ABI3BP: variants seen among roughly 807,000 people sequenced by gnomAD.
ABI3BP encodes target of Nesh-SH3.
ABI3BP carries 216 observed loss-of-function variants against 268.6 expected under a neutral mutation model. The observed-to-expected ratio is 0.80, with a 90% CI of 0.72 to 0.90. The LOEUF (loss-of-function observed/expected upper bound fraction) is 0.90, where lower values mean the gene tolerates loss of function less well. ABI3BP is among the 40% of genes least tolerant of loss of function. ABI3BP has a pLI of 0.00. For synonymous variants in ABI3BP, 730 were observed against 730.0 expected (o/e 1.00, Z 0.00); for missense variants, 2,090 against 2,182.4 (o/e 0.96, Z 0.84).
At chr3:100,986,750 T>A (rs1011500893) in intron 1 of ABI3BP, among the ~76,000 whole-genome samples, 12 of 152,272 alleles carry the variant, frequency 7.9e-5, no homozygotes, top group Admixed American at 2.0e-4. Flanking sequence ...TACACTAATA[T>A]ACTCTTTAAA....
chr3:100,839,162 TA>T (rs1560648713), intron 24 of ABI3BP, among the ~76,000 whole-genome samples: 1 of 152,198 alleles, frequency 6.6e-6, no homozygotes, highest in Non-Finnish European at 1.5e-5. Flanking sequence ...TGCAACTTTT[TA>T]AAAAGAAGAA....
At chr3:100,797,562 G>GTT (rs575648416) in intron 51 of ABI3BP, among the ~76,000 whole-genome samples, 65 of 129,684 alleles carry the variant, frequency 5.0e-4, no homozygotes, top group Admixed American at 8.6e-4. Context: ...TGAAGAAACT[G>GTT]TTTTTTTTTT....
intron 6 of ABI3BP, among the ~76,000 whole-genome samples, chr3:100,884,322 C>G (rs936985917): frequency 1.3e-5 from 2 of 151,990 alleles, no homozygotes; most frequent in Non-Finnish European, 2.9e-5. Context: ...TACCTGCAAT[C>G]TCTTTTTTGT....
chr3:100,763,456 T>A, intron 63 of ABI3BP, among the ~76,000 whole-genome samples: 1 of 146,352 alleles, frequency 6.8e-6, no homozygotes, highest in Non-Finnish European at 1.5e-5. Context: ...AGAGCAAGAC[T>A]CTGTCTCAAA....
At chr3:100,919,435 C>T (rs893470665) in intron 2 of ABI3BP, among the ~76,000 whole-genome samples, 2 of 152,124 alleles carry the variant, frequency 1.3e-5, no homozygotes, top group Non-Finnish European at 2.9e-5. Flanking sequence ...TTGTGCATTT[C>T]CTCTTGCCGT....
chr3:100,889,581 C>T (rs1436939), intron 4 of ABI3BP, among the ~76,000 whole-genome samples: 19,903 of 152,080 alleles, frequency 0.13, 1,421 homozygotes, highest in Middle Eastern at 0.18. Flanking sequence ...ACAGAGGCAA[C>T]AAGTCTATTA....
At chr3:100,907,664 C>G (rs916732321) in intron 2 of ABI3BP, among the ~76,000 whole-genome samples, 4 of 152,110 alleles carry the variant, frequency 2.6e-5, no homozygotes, top group Non-Finnish European at 5.9e-5. Flanking sequence ...TTCCAAAATG[C>G]AAGCATTTCA....
intron 29 of ABI3BP, among the ~76,000 whole-genome samples, chr3:100,834,316 T>C (rs1485831611): frequency 1.3e-5 from 2 of 152,164 alleles, no homozygotes; most frequent in Admixed American, 1.3e-4. Context: ...CTCACACAGG[T>C]AAGTCATTTG....
chr3:100,881,994 A>G (rs895861007), intron 6 of ABI3BP, among the ~76,000 whole-genome samples: 5 of 152,162 alleles, frequency 3.3e-5, no homozygotes, highest in Non-Finnish European at 7.4e-5. Flanking sequence ...GATGGGCTGT[A>G]TTTTGTATTC....
At chr3:100,944,269 C>CA (rs538708373) in intron 1 of ABI3BP, among the ~76,000 whole-genome samples, 1 of 152,002 alleles carries the variant, frequency 6.6e-6, no homozygotes, top group Non-Finnish European at 1.5e-5. Context: ...GATCAGGTAT[C>CA]AAAAAATAGA....
chr3:100,963,136 G>T (rs910264831), intron 1 of ABI3BP, among the ~76,000 whole-genome samples: 2 of 152,086 alleles, frequency 1.3e-5, no homozygotes, highest in Non-Finnish European at 2.9e-5. Flanking sequence ...TTATAGCTAT[G>T]ATGTGGCTAC....
chr3:100,816,286 A>G (rs2098040170), intron 43 of ABI3BP: 1 of 446,438 alleles, frequency 2.2e-6, no homozygotes, highest in South Asian at 3.2e-5. Flanking sequence ...ATACGAAAAT[A>G]CAGAGAGAAA....
intron 38 of ABI3BP, 75 bp downstream of exon 38, chr3:100,822,514 A>G: frequency 2.2e-6 from 3 of 1,383,358 alleles, no homozygotes; most frequent in Non-Finnish European, 3.0e-6. Context: ...GGTTACTCCC[A>G]ACCACTGGGA....
At chr3:100,867,123 A>G (rs1348223420) in intron 9 of ABI3BP, among the ~76,000 whole-genome samples, 167 bp from the exon 10 acceptor site, 1 of 152,220 alleles carries the variant, frequency 6.6e-6, no homozygotes, top group Non-Finnish European at 1.5e-5. Flanking sequence ...TAAGTCTTCA[A>G]AATTCTTTCT....
At chr3:100,866,324 A>G (rs2099050743) in intron 10 of ABI3BP, among the ~76,000 whole-genome samples, 1 of 152,190 alleles carries the variant, frequency 6.6e-6, no homozygotes, top group South Asian at 2.1e-4. Flanking sequence ...AGAGATGCTG[A>G]ATGTTTGTTA....
At chr3:100,872,558 G>A (rs982629796) in intron 9 of ABI3BP, among the ~76,000 whole-genome samples, 2 of 152,136 alleles carry the variant, frequency 1.3e-5, no homozygotes, top group Non-Finnish European at 2.9e-5. Context: ...AGTTTTGATG[G>A]TAACATTAGG....
chr3:100,891,268 G>A (rs914779020), intron 4 of ABI3BP, among the ~76,000 whole-genome samples: 1 of 152,132 alleles, frequency 6.6e-6, no homozygotes, highest in Non-Finnish European at 1.5e-5. Flanking sequence ...TCACCCACTG[G>A]TGGCTGGTTT....
chr3:100,992,326 G>C (rs920423497), intron 1 of ABI3BP, among the ~76,000 whole-genome samples: 3 of 152,194 alleles, frequency 2.0e-5, no homozygotes, highest in South Asian at 2.1e-4. Context: ...TACCCAGAGA[G>C]AGGACCTAGG....
intron 1 of ABI3BP, among the ~76,000 whole-genome samples, chr3:100,967,821 T>G (rs2081961379): frequency 6.6e-6 from 1 of 152,160 alleles, no homozygotes; most frequent in East Asian, 1.9e-4. Flanking sequence ...TAGACAATAG[T>G]TTTCAGATCA....
Sources: gnomAD v4.1 joint callset for allele counts (sites outside exome capture counted in the v4.1 genomes callset) on GRCh38, gnomAD v4.1.1 for gene constraint, MANE v1.5 for transcripts, NCBI Gene and HGNC (gene_info 2026-07-23, HGNC 2026-07-21) for gene names.